PLD1: variants seen among roughly 807,000 people sequenced by gnomAD.
PLD1 encodes phospholipase D1.
Under a neutral mutation model 137.1 loss-of-function variants are expected in PLD1, and 112 were observed. That is an observed-to-expected ratio of 0.82 (90% CI 0.70 to 0.96). PLD1 has a LOEUF of 0.96. Among genes scored for constraint, PLD1 ranks in the 40% least tolerant of loss-of-function variants. The pLI is 0.00. For synonymous variants in PLD1, 431 were observed against 454.7 expected (o/e 0.95, Z 0.66); for missense variants, 1,321 against 1,342.0 (o/e 0.98, Z 0.24).
chr3:171,620,834 C>T (rs1177150197), intron 23 of PLD1, among the ~76,000 whole-genome samples: 4 of 148,182 alleles, frequency 2.7e-5, no homozygotes, highest in Non-Finnish European at 5.9e-5. Context: ...ATCCAAAAAG[C>T]TATTCATATA....
At chr3:171,738,284 T>C (rs981139553) in intron 1 of PLD1, among the ~76,000 whole-genome samples, 3 of 151,306 alleles carry the variant, frequency 2.0e-5, no homozygotes, top group Non-Finnish European at 4.4e-5. Flanking sequence ...TAAAACAGAG[T>C]GCTTAATTGA....
chr3:171,670,722 G>C (rs544804479), intron 19 of PLD1, among the ~76,000 whole-genome samples: 8 of 152,152 alleles, frequency 5.3e-5, no homozygotes, highest in Non-Finnish European at 1.2e-4. Context: ...ATGTACCTAT[G>C]ATGTTTTAAT....
rs991073638 is a variant in PLD1 at position 171,738,301 on chromosome 3, GA to G, written c.-31-220del. Among the ~76,000 whole-genome samples, 20 of 138,810 alleles carry G rather than the reference GA, an allele frequency of 1.4e-4. No homozygotes were observed. The South Asian group carries it at 2.3e-3, about 16-fold the overall frequency. The allele number at this position is 138,810 out of a possible 152,430, so 91.1% of individuals were successfully genotyped here. ...AAACAGAGTGCTTAATTGAAAACAA[GA>G]GAAAAAAAAAAGAAAAAAAAAAGCA... On this transcript the variant is annotated intron_variant, in intron 1 of 26. Transcript: ENST00000351298.
chr3:171,744,380 A>G (rs1375614177), intron 1 of PLD1, among the ~76,000 whole-genome samples: 1 of 152,006 alleles, frequency 6.6e-6, no homozygotes, highest in Non-Finnish European at 1.5e-5. Flanking sequence ...CCTGCCCATA[A>G]CCTGTGAGTC....
intron 1 of PLD1, among the ~76,000 whole-genome samples, chr3:171,745,926 C>G (rs1425060474): frequency 1.3e-5 from 2 of 152,108 alleles, no homozygotes; most frequent in African/African-American, 4.8e-5. Context: ...GCCTGCTGCA[C>G]TCACAGGCCA....
chr3:171,764,752 T>C (rs956253998), intron 1 of PLD1, among the ~76,000 whole-genome samples: 1 of 150,476 alleles, frequency 6.6e-6, no homozygotes, highest in African/African-American at 2.5e-5. Flanking sequence ...ATCAAAATTT[T>C]CAGGATTCTC....
intron 25 of PLD1, among the ~76,000 whole-genome samples, chr3:171,607,530 A>G (rs1732305524): frequency 6.6e-6 from 1 of 152,202 alleles, no homozygotes; most frequent in Non-Finnish European, 1.5e-5. Flanking sequence ...AGAAATTTAT[A>G]TTAAATGCAG....
intron 12 of PLD1, among the ~76,000 whole-genome samples, chr3:171,698,551 G>A (rs1171925418): frequency 6.6e-6 from 1 of 152,170 alleles, no homozygotes; most frequent in Non-Finnish European, 1.5e-5. Context: ...GAAATAAAAA[G>A]TGGAATGCAG....
chr3:171,605,252 T>G, intron 26 of PLD1, 47 bp downstream of exon 26: 152 of 1,014,550 alleles, frequency 1.5e-4, no homozygotes, highest in Non-Finnish European at 2.1e-4. Context: ...CTTTTTGTGA[T>G]GAGATTCAGT....
chr3:171,674,440 C>G, intron 19 of PLD1, 60 bp downstream of exon 19: 1 of 849,602 alleles, frequency 1.2e-6, no homozygotes, highest in Non-Finnish European at 1.9e-6. Context: ...GCCCTTGGTC[C>G]AATAACAGTA....
At chr3:171,649,489 G>C (rs1212121511) in intron 21 of PLD1, among the ~76,000 whole-genome samples, 1 of 152,226 alleles carries the variant, frequency 6.6e-6, no homozygotes, top group Non-Finnish European at 1.5e-5. Context: ...CCAATCCACA[G>C]AGGACAAGAG....
chr3:171,800,527 G>A (rs1486955113), intron 1 of PLD1, among the ~76,000 whole-genome samples: 2 of 152,022 alleles, frequency 1.3e-5, no homozygotes, highest in African/African-American at 2.4e-5. Flanking sequence ...ATTTTTAAAA[G>A]GCAAATATAC....
At chr3:171,652,195 C>T (rs971359105) in intron 21 of PLD1, among the ~76,000 whole-genome samples, 5 of 152,010 alleles carry the variant, frequency 3.3e-5, no homozygotes, top group African/African-American at 1.2e-4. Flanking sequence ...GGGCGGACCA[C>T]GAGGTCAGCA....
At chr3:171,747,499 T>C (rs1720324427) in intron 1 of PLD1, among the ~76,000 whole-genome samples, 1 of 151,672 alleles carries the variant, frequency 6.6e-6, no homozygotes, top group Non-Finnish European at 1.5e-5. Context: ...TCTAGAATTA[T>C]AACTACTCCC....
chr3:171,783,258 A>G (rs1248236349), intron 1 of PLD1, among the ~76,000 whole-genome samples: 1 of 151,906 alleles, frequency 6.6e-6, no homozygotes, highest in Non-Finnish European at 1.5e-5. Context: ...ATGTCATCAG[A>G]GTGTTGTGTG....
intron 19 of PLD1, among the ~76,000 whole-genome samples, chr3:171,673,949 C>G (rs1253664147): frequency 6.6e-6 from 1 of 150,802 alleles, no homozygotes; most frequent in Non-Finnish European, 1.5e-5. Context: ...AGCTCCACCT[C>G]TGTTGATAAC....
chr3:171,670,364 T>TA (rs1170029966), intron 19 of PLD1, among the ~76,000 whole-genome samples: 1 of 152,140 alleles, frequency 6.6e-6, no homozygotes, highest in Non-Finnish European at 1.5e-5. Flanking sequence ...ATAAAATCAA[T>TA]GCAAATTTAC....
chr3:171,788,519 G>A (rs1032365069), intron 1 of PLD1: 4 of 151,904 alleles, frequency 2.6e-5, no homozygotes, highest in Non-Finnish European at 5.9e-5. Flanking sequence ...CTAATATCCC[G>A]TCTCTCTATT....
At chr3:171,645,639 CT>C (rs1315203212) in intron 21 of PLD1, among the ~76,000 whole-genome samples, 8 of 151,624 alleles carry the variant, frequency 5.3e-5, no homozygotes, top group South Asian at 2.1e-4. Context: ...AATCCCAGCA[CT>C]TTGGGAGTCC....
Sources: gnomAD v4.1 joint callset for allele counts (sites outside exome capture counted in the v4.1 genomes callset) on GRCh38, gnomAD v4.1.1 for gene constraint, MANE v1.5 for transcripts, NCBI Gene and HGNC (gene_info 2026-07-23, HGNC 2026-07-21) for gene names.